Variants in SEPTIN11 observed in about 807,000 individuals in gnomAD.
SEPTIN11 encodes the protein septin 11, also known as septin-11.
In SEPTIN11, 25 loss-of-function variants were observed where a neutral mutation model predicts 51.4. The ratio of observed to expected loss-of-function variants is 0.49; its 90% CI spans 0.35 to 0.68. The LOEUF (loss-of-function observed/expected upper bound fraction) is 0.68, where lower values mean the gene tolerates loss of function less well. Among genes scored for constraint, SEPTIN11 ranks in the 30% least tolerant of loss-of-function variants. SEPTIN11 has a pLI of 0.00. For missense variants in SEPTIN11, 381 were observed against 520.8 expected, an observed-to-expected ratio of 0.73 and a Z score of 2.61; for synonymous variants, 174 against 184.1, an observed-to-expected ratio of 0.95 and a Z score of 0.44.
chr4:76,997,268 T>A (rs1723790806), intron 2 of SEPTIN11, among the ~76,000 whole-genome samples: 1 of 152,192 alleles, frequency 6.6e-6, no homozygotes, highest in African/African-American at 2.4e-5. Context: ...GGCATTTCCC[T>A]CTGAGACATC....
chr4:76,992,299 A>C (rs1254199810), intron 1 of SEPTIN11, among the ~76,000 whole-genome samples: 1 of 152,188 alleles, frequency 6.6e-6, no homozygotes, highest in African/African-American at 2.4e-5. Flanking sequence ...ATGGTTTCAG[A>C]GTATTTTTTT....
At chr4:76,960,578 C>T (rs1721787008) in intron 1 of SEPTIN11, among the ~76,000 whole-genome samples, 1 of 152,178 alleles carries the variant, frequency 6.6e-6, no homozygotes, top group South Asian at 2.1e-4. Flanking sequence ...CCAGTCAAAG[C>T]TGGGGGTGAT....
intron 1 of SEPTIN11, among the ~76,000 whole-genome samples, chr4:76,988,583 A>G (rs1035683687): frequency 6.6e-6 from 1 of 152,166 alleles, no homozygotes; most frequent in African/African-American, 2.4e-5. Flanking sequence ...ATCCTGGCTC[A>G]TTGCAGCCTC....
chr4:76,960,946 T>A (rs1721803131), intron 1 of SEPTIN11, among the ~76,000 whole-genome samples: 2 of 152,326 alleles, frequency 1.3e-5, no homozygotes, highest in South Asian at 4.1e-4. Flanking sequence ...CTGTCTCAAG[T>A]CATTCATGAC....
At chr4:76,975,020 G>A (rs1039599061) in intron 1 of SEPTIN11, among the ~76,000 whole-genome samples, 9 of 151,748 alleles carry the variant, frequency 5.9e-5, no homozygotes, top group Admixed American at 1.3e-4. Flanking sequence ...TCACTCAGAA[G>A]GCTGAGGCAT....
At chr4:77,030,703 T>C in intron 8 of SEPTIN11, 80 bp from the exon 9 acceptor site, 1 of 1,381,278 alleles carries the variant, frequency 7.2e-7, no homozygotes, top group Non-Finnish European at 9.7e-7. Flanking sequence ...CCATGTTTTG[T>C]TTTTTGAACA....
chr4:77,020,780 G>C (rs1019892133), intron 7 of SEPTIN11, 110 bp downstream of exon 7: 1 of 1,038,754 alleles, frequency 9.6e-7, no homozygotes, highest in Non-Finnish European at 1.4e-6. Flanking sequence ...GAAGGATCTG[G>C]TGGGTGAAGA....
intron 3 of SEPTIN11, among the ~76,000 whole-genome samples, chr4:77,007,252 TCACA>T (rs530826502): frequency 1.7e-3 from 252 of 152,354 alleles, no homozygotes; most frequent in African/African-American, 5.8e-3. Context: ...CATTGCATAC[TCACA>T]GAATATACCC....
In SEPTIN11 at chr4:77,011,891, T is replaced by A; in HGVS notation, c.495T>A (p.Asp165Glu). The A allele has an allele frequency of 6.2e-7, 1 of 1,614,066 alleles. No individual in the cohort carries two copies. Among genetic ancestry groups the A allele is most frequent in the African/African-American group, 1.3e-5 (1 of 75,022 alleles). ...APTGHSLKSL[D>E]LVTMKKLDSK... is the part of the protein sequence containing the mutation. Reference sequence around the variant, plus strand: ...CTGGACATTCACTAAAGTCCCTGGATCTGGTCACCATGAAAAAGCTGGACA... The same window carrying A: ...CTGGACATTCACTAAAGTCCCTGGAACTGGTCACCATGAAAAAGCTGGACA... Residue 165 changes from aspartate (D) to glutamate (E), a missense_variant, in exon 4 of 10, where the codon GAT becomes GAA. Around this residue, in one of 2 missense-constraint regions of SEPTIN11, gnomAD observed 184 missense variants for 207.7 expected, o/e 0.89. Coordinates refer to ENST00000264893, the MANE Select transcript of SEPTIN11 (RefSeq NM_018243.4).
intron 1 of SEPTIN11, among the ~76,000 whole-genome samples, chr4:76,973,678 T>C (rs1295635917): frequency 6.6e-6 from 1 of 152,234 alleles, no homozygotes; most frequent in South Asian, 2.1e-4. Context: ...GATTCACTGG[T>C]ATAATTTCAT....
At chr4:77,018,813 G>C (rs1403899465) in intron 5 of SEPTIN11, among the ~76,000 whole-genome samples, 1 of 152,170 alleles carries the variant, frequency 6.6e-6, no homozygotes, top group Non-Finnish European at 1.5e-5. Flanking sequence ...TTTAAATTTA[G>C]ATGTAAACTA....
chr4:77,004,435 A>G, intron 2 of SEPTIN11, among the ~76,000 whole-genome samples: 1 of 152,244 alleles, frequency 6.6e-6, no homozygotes, highest in South Asian at 2.1e-4. Flanking sequence ...AGATTAATAT[A>G]ACCATAACTG....
chr4:76,974,719 T>G, intron 1 of SEPTIN11: 1 of 456,568 alleles, frequency 2.2e-6, no homozygotes, highest in South Asian at 1.5e-5. Context: ...GGTTTATTTA[T>G]GGTGAAAAGA....
Position 77,005,633 on chromosome 4 carries a change from G to GACACTTTGTTCA in SEPTIN11, c.180_191dup (p.Leu61_Thr64dup). 1 of 1,613,874 alleles carries GACACTTTGTTCA rather than the reference G, an allele frequency of 6.2e-7. No homozygotes were observed. Among genetic ancestry groups the GACACTTTGTTCA allele is most frequent in the Non-Finnish European group, 8.5e-7 (1 of 1,179,890 alleles). ...AGGCATTGGCAAATCCACGTTAATG[G>GACACTTTGTTCA]ACACTTTGTTCAACACCAAATTTGA... On this transcript the variant is annotated inframe_insertion, in exon 3 of 10. Coordinates refer to ENST00000264893, the MANE Select transcript of SEPTIN11 (RefSeq NM_018243.4).
At chr4:76,956,667 A>G (rs1416519897) in intron 1 of SEPTIN11, among the ~76,000 whole-genome samples, 1 of 152,212 alleles carries the variant, frequency 6.6e-6, no homozygotes, top group African/African-American at 2.4e-5. Flanking sequence ...TCAAGCTCTT[A>G]GATGGGTCAC....
Position 77,016,639 on chromosome 4 carries a change from T to TATATATACAC in SEPTIN11, c.687+1629_687+1630insCACATATATA, listed in dbSNP as rs768535558. ...ACATATATATATATATACACATATA[T>TATATATACAC]ATATATATATATATATACACATATA... On this transcript the variant is annotated intron_variant, in intron 5 of 9. Coordinates refer to ENST00000264893, the MANE Select transcript of SEPTIN11 (RefSeq NM_018243.4). Among the ~76,000 whole-genome samples the TATATATACAC allele has an allele frequency of 3.4e-4, 38 of 110,882 alleles. 1 individual carries two copies. The highest frequency in any genetic ancestry group is 1.8e-3 in the South Asian group (6 of 3,324). 72.7% of individuals were successfully genotyped at this position (110,882 alleles called of 152,430 possible).
intron 1 of SEPTIN11, among the ~76,000 whole-genome samples, chr4:76,987,319 G>C (rs948121038): frequency 6.6e-6 from 1 of 152,110 alleles, no homozygotes; most frequent in African/African-American, 2.4e-5. Context: ...CAATTTCCTT[G>C]GGGGTTTTCT....
intron 2 of SEPTIN11, among the ~76,000 whole-genome samples, chr4:77,005,371 G>A (rs1377546134): frequency 2.0e-5 from 3 of 152,196 alleles, no homozygotes; most frequent in Non-Finnish European, 2.9e-5. Context: ...CTCTTGATCT[G>A]TAAATTTGAA....
intron 1 of SEPTIN11, among the ~76,000 whole-genome samples, chr4:76,990,115 G>C (rs191889151): frequency 6.6e-6 from 1 of 152,178 alleles, no homozygotes; most frequent in Non-Finnish European, 1.5e-5. Flanking sequence ...TCCCTGCCAT[G>C]TTCTGTTTCT....
Sources: gnomAD v4.1 joint callset for allele counts (sites outside exome capture counted in the v4.1 genomes callset) on GRCh38, gnomAD v4.1.1 for gene constraint, gnomAD v4.1.1 regional missense constraint, MANE v1.5 for transcripts, NCBI Gene and HGNC (gene_info 2026-07-23, HGNC 2026-07-21) for gene names.